ADAMTS2: variants seen among roughly 807,000 people sequenced by gnomAD.
ADAMTS2 encodes the protein ADAM metallopeptidase with thrombospondin type 1 motif 2.
ADAMTS2 carries 50 observed loss-of-function variants against 123.0 expected under a neutral mutation model. That is an observed-to-expected ratio of 0.41 (90% CI 0.32 to 0.51). The LOEUF (loss-of-function observed/expected upper bound fraction) is 0.51. Ranked by LOEUF, ADAMTS2 falls within the 20% of genes least tolerant of loss-of-function variation. The pLI, the probability that ADAMTS2 is intolerant of heterozygous loss-of-function variation, is 0.35. For synonymous variants in ADAMTS2, 678 were observed against 695.4 expected (o/e 0.98, Z 0.39); for missense variants, 1,494 against 1,705.2 (o/e 0.88, Z 2.18).
At chr5:179,214,925 T>G (rs1278265243) in intron 3 of ADAMTS2, among the ~76,000 whole-genome samples, 1 of 152,176 alleles carries the variant, frequency 6.6e-6, no homozygotes, top group Non-Finnish European at 1.5e-5. Context: ...TTAAAATAAT[T>G]GTTAAAATTA....
At position 179,322,551 on chromosome 5, in the gene ADAMTS2, G is replaced by A. The variant is rs536738845; in HGVS notation, c.534+21216C>T. On this transcript the variant is annotated intron_variant, in intron 2 of 21. Coordinates refer to ENST00000251582, the MANE Select transcript of ADAMTS2 (RefSeq NM_014244.5). Reference sequence around the variant, plus strand: ...GAGCTTCATTGCCACATCAGACACCGGGAGACGCGAGGAGGCCGTGAGCCA... The same window carrying A: ...GAGCTTCATTGCCACATCAGACACCAGGAGACGCGAGGAGGCCGTGAGCCA... Among the ~76,000 whole-genome samples, 33 of 152,280 alleles carry A rather than the reference G, an allele frequency of 2.2e-4. No individual in the cohort carries two copies. The East Asian group carries it at 2.3e-3, about 11-fold the overall frequency.
intron 2 of ADAMTS2, among the ~76,000 whole-genome samples, chr5:179,273,794 C>A (rs1000825633): frequency 6.6e-6 from 1 of 152,078 alleles, no homozygotes; most frequent in Non-Finnish European, 1.5e-5. Flanking sequence ...CAGCCAGCAC[C>A]CTCCCTGACT....
intron 3 of ADAMTS2, among the ~76,000 whole-genome samples, chr5:179,209,921 C>T (rs1230850479): frequency 2.0e-5 from 3 of 152,244 alleles, no homozygotes; most frequent in Non-Finnish European, 2.9e-5. Flanking sequence ...ACAGGCCGGG[C>T]GTTACCCTCT....
chr5:179,143,006 C>A (rs1276229449), intron 10 of ADAMTS2, among the ~76,000 whole-genome samples: 3 of 151,918 alleles, frequency 2.0e-5, no homozygotes, highest in Admixed American at 2.0e-4. Flanking sequence ...ACTCAGCAGA[C>A]AAAGATTTCA....
Position 179,181,229 on chromosome 5 carries a change from C to A in ADAMTS2, c.892-74G>T. 9.4e-7 allele frequency: 1 copy of A among 1,060,572 alleles called. No individual in the cohort carries two copies. Among genetic ancestry groups the A allele is most frequent in the Non-Finnish European group, 1.5e-6 (1 of 679,786 alleles). The allele number at this position is 1,060,572 out of a possible 1,614,324, so 65.7% of individuals were successfully genotyped here. On this transcript the variant is annotated intron_variant, in intron 4 of 21. Transcript: ENST00000251582. This position sits in a 1 kb window ranked among gnomAD's most constrained non-coding sequence, Gnocchi z 4.1. ...GCTCTGGCTCTGCCAATGGGATGAC[C>A]CCCACCTGCTCCTTCTTCTTCCCAT...
At chr5:179,292,325 GCTTTGCTATTAC>G in intron 2 of ADAMTS2, among the ~76,000 whole-genome samples, 1 of 135,192 alleles carries the variant, frequency 7.4e-6, no homozygotes, top group East Asian at 2.1e-4. Context: ...AGCGGTAACA[GCTTTGCTATTAC>G]CCCCCAGCTG....
At position 179,232,594 on chromosome 5, in the gene ADAMTS2, A is replaced by G. The variant is rs540724371; in HGVS notation, c.689-24879T>C. Among the ~76,000 whole-genome samples, 18 of 152,294 alleles carry G rather than the reference A, an allele frequency of 1.2e-4. No individual in the cohort carries two copies. The South Asian group carries it at 1.9e-3, about 16-fold the overall frequency. On this transcript the variant is annotated intron_variant, in intron 3 of 21. Coordinates refer to ENST00000251582, the MANE Select transcript of ADAMTS2 (RefSeq NM_014244.5). ...ACTCTGACATGTCAAGCAAATCACTATAAGTTTATTGAGTCATTTCTTAGC... is the reference window on the plus strand; with the variant it reads ...ACTCTGACATGTCAAGCAAATCACTGTAAGTTTATTGAGTCATTTCTTAGC...
rs114299167 is a variant in ADAMTS2, at chr5:179,291,151, G to A, written c.535-18087C>T. On this transcript the variant is annotated intron_variant, in intron 2 of 21. Transcript: ENST00000251582. ...GCCACCAGCATGATGCTGACACGTG[G>A]GTTTTGAGGATTCCCACTCACATCA... Among the ~76,000 whole-genome samples the A allele has an allele frequency of 1.0e-2, 1,519 of 152,338 alleles. 34 individuals carry two copies. The highest frequency in any genetic ancestry group is 0.035 in the African/African-American group (1,465 of 41,564).
At chr5:179,119,500 G>C (rs1242406925) in intron 21 of ADAMTS2, among the ~76,000 whole-genome samples, 1 of 152,332 alleles carries the variant, frequency 6.6e-6, no homozygotes, top group East Asian at 1.9e-4. Context: ...GGTCCCTCTT[G>C]AACCCAGACC....
At chr5:179,288,742 C>A (rs553700798) in intron 2 of ADAMTS2, among the ~76,000 whole-genome samples, 2 of 152,340 alleles carry the variant, frequency 1.3e-5, no homozygotes, top group South Asian at 4.1e-4. Context: ...CGCACCTGCC[C>A]TCCCTGGATG....
intron 3 of ADAMTS2, among the ~76,000 whole-genome samples, chr5:179,223,821 A>G (rs1765205288): frequency 6.6e-6 from 1 of 151,844 alleles, no homozygotes; most frequent in Non-Finnish European, 1.5e-5. Context: ...TGTGACATGC[A>G]CACTCAGGCA....
In ADAMTS2 at chr5:179,170,052, C is replaced by T. The variant is rs1047931395; in HGVS notation, c.975+11020G>A. The stretch of plus-strand genomic sequence containing the variant: ...GTTGCTATGCAACCTCAAGTGTTGC[C>T]GATGCTCTGCTCCCTGGCTGGTGGT... On this transcript the variant is annotated intron_variant, in intron 5 of 21. Transcript: ENST00000251582. This position sits in a 1 kb window ranked among gnomAD's most constrained non-coding sequence, Gnocchi z 4.3. 2.6e-5 allele frequency among the ~76,000 whole-genome samples: 4 copies of T among 152,132 alleles called. No individual in the cohort carries two copies. Among genetic ancestry groups the T allele is most frequent in the South Asian group, 2.1e-4 (1 of 4,818 alleles).
intron 2 of ADAMTS2, among the ~76,000 whole-genome samples, chr5:179,331,742 T>C (rs1219280932): frequency 1.3e-5 from 2 of 152,146 alleles, no homozygotes; most frequent in Admixed American, 6.5e-5. Flanking sequence ...AGCCCTGGTC[T>C]GGGACCTCCC....
At chr5:179,166,418 A>C (rs1383145490) in intron 5 of ADAMTS2, among the ~76,000 whole-genome samples, 2 of 152,142 alleles carry the variant, frequency 1.3e-5, no homozygotes, top group African/African-American at 4.8e-5. Context: ...GATGGCCCTC[A>C]CCTTGGGTCA....
At chr5:179,168,851 A>G (rs1470107919) in intron 5 of ADAMTS2, among the ~76,000 whole-genome samples, 1 of 152,114 alleles carries the variant, frequency 6.6e-6, no homozygotes, top group African/African-American at 2.4e-5. Flanking sequence ...ATCAAATCTC[A>G]TCACGACAGA....
At chr5:179,265,979 G>GC (rs1561657269) in intron 3 of ADAMTS2, among the ~76,000 whole-genome samples, 2 of 152,248 alleles carry the variant, frequency 1.3e-5, no homozygotes, top group South Asian at 2.1e-4. Context: ...GTCGGCAACA[G>GC]TGGCTTGGCA....
chr5:179,343,068 C>T (rs1446038725), intron 2 of ADAMTS2, among the ~76,000 whole-genome samples: 1 of 152,152 alleles, frequency 6.6e-6, no homozygotes, highest in African/African-American at 2.4e-5. Flanking sequence ...TAGAGAAAAC[C>T]AACTTTTCAA....
At position 179,128,221 on chromosome 5, in the gene ADAMTS2, C is replaced by T. The variant is rs933342051; in HGVS notation, c.2458-103G>A. The T allele has an allele frequency of 2.1e-6, 3 of 1,414,476 alleles. No homozygotes were observed. The highest frequency in any genetic ancestry group is 2.9e-6 in the Non-Finnish European group (3 of 1,024,106). The allele number at this position is 1,414,476 out of a possible 1,614,324, so 87.6% of individuals were successfully genotyped here. A position where few individuals can be genotyped will look rare whatever the true frequency, so the allele number is the denominator to read the frequency against. On this transcript the variant is annotated intron_variant, in intron 16 of 21. Coordinates refer to ENST00000251582, the MANE Select transcript of ADAMTS2 (RefSeq NM_014244.5). This position sits in a 1 kb window ranked among gnomAD's most constrained non-coding sequence, Gnocchi z 4.9. ...GAGGCCGACTCCAGAGGAGTCTCAT[C>T]ATTCATGGCAGTTACATTCCATGAA...
rs1765686512 is a variant in ADAMTS2 at position 179,242,244 on chromosome 5, G to C, written c.688+30667C>G. On this transcript the variant is annotated intron_variant, in intron 3 of 21. Transcript: ENST00000251582. This position sits in a 1 kb window ranked among gnomAD's most constrained non-coding sequence, Gnocchi z 4.2. ...GGAGGAGAGACGCTGAGCCTTGGCA[G>C]CCTCGTGTGGGCCAGCGGTGCCTGC... Among the ~76,000 whole-genome samples, 1 of 152,234 alleles carries C rather than the reference G, an allele frequency of 6.6e-6. No homozygotes were observed. Among genetic ancestry groups the C allele is most frequent in the African/African-American group, 2.4e-5 (1 of 41,466 alleles).
Sources: gnomAD v4.1 joint callset for allele counts (sites outside exome capture counted in the v4.1 genomes callset) on GRCh38, gnomAD v4.1.1 for gene constraint, Gnocchi (gnomAD v3.1) non-coding constraint, MANE v1.5 for transcripts, NCBI Gene and HGNC (gene_info 2026-07-23, HGNC 2026-07-21) for gene names.